TRIM2: variants seen among roughly 807,000 people sequenced by gnomAD.
TRIM2 encodes tripartite motif-containing protein 2.
In TRIM2, 20 loss-of-function variants were observed where a neutral mutation model predicts 75.2. The observed-to-expected ratio is 0.27, with a 90% CI of 0.19 to 0.39. The LOEUF is 0.39. TRIM2 is among the 10% of genes least tolerant of loss of function. The pLI, the probability that TRIM2 is intolerant of heterozygous loss-of-function variation, is 1.00. For missense variants in TRIM2, 660 were observed against 990.8 expected (o/e 0.67, Z 4.48); for synonymous variants, 373 against 388.3 (o/e 0.96, Z 0.46).
chr4:153,250,539 T>C (rs1226529932), intron 1 of TRIM2, among the ~76,000 whole-genome samples: 1 of 152,228 alleles, frequency 6.6e-6, no homozygotes. Context: ...TCCATAAGAA[T>C]AAATGATACC....
At chr4:153,167,316 A>T (rs1730417499) in intron 1 of TRIM2, among the ~76,000 whole-genome samples, 1 of 152,270 alleles carries the variant, frequency 6.6e-6, no homozygotes. Context: ...CTTGCCGCGA[A>T]GATGGTATGG....
chr4:153,249,035 G>C (rs1289426244), intron 1 of TRIM2, among the ~76,000 whole-genome samples: 2 of 152,248 alleles, frequency 1.3e-5, no homozygotes, highest in South Asian at 4.1e-4. Flanking sequence ...GTTGCTGGAG[G>C]GCCAGGCGGG....
intron 7 of TRIM2, 90 bp downstream of exon 7, chr4:153,315,678 G>A: frequency 7.0e-7 from 1 of 1,433,632 alleles, no homozygotes; most frequent in Non-Finnish European, 9.6e-7. Flanking sequence ...TCAGATACAT[G>A]GTGTAAGGAA....
At chr4:153,156,405 G>GGCT (rs1197271669) in intron 1 of TRIM2, among the ~76,000 whole-genome samples, 1 of 152,138 alleles carries the variant, frequency 6.6e-6, no homozygotes, top group Non-Finnish European at 1.5e-5. Context: ...AAATTAAGGA[G>GGCT]GCTGCCCCCT....
intron 6 of TRIM2, among the ~76,000 whole-genome samples, chr4:153,311,930 T>TATA (rs1766443615): frequency 1.1e-5 from 1 of 93,454 alleles, no homozygotes; most frequent in Non-Finnish European, 2.5e-5. Flanking sequence ...TTATTATTAT[T>TATA]ATACTTTAAG....
At chr4:153,255,706 C>T (rs1751924677) in intron 1 of TRIM2, among the ~76,000 whole-genome samples, 1 of 152,184 alleles carries the variant, frequency 6.6e-6, no homozygotes, top group Non-Finnish European at 1.5e-5. Flanking sequence ...ACCCAGTGTC[C>T]ATCGACTGAT....
intron 1 of TRIM2, among the ~76,000 whole-genome samples, chr4:153,156,018 G>T (rs956272713): frequency 6.6e-6 from 1 of 152,178 alleles, no homozygotes; most frequent in African/African-American, 2.4e-5. Context: ...GGAATTTTTG[G>T]TTTTTACATT....
chr4:153,304,351 T>C (rs540163436), intron 6 of TRIM2, among the ~76,000 whole-genome samples: 27 of 152,064 alleles, frequency 1.8e-4, no homozygotes, highest in Non-Finnish European at 3.5e-4. Flanking sequence ...TGGCCTCAAG[T>C]GATCTGCCCG....
intron 6 of TRIM2, among the ~76,000 whole-genome samples, chr4:153,306,104 G>A (rs991910100): frequency 3.3e-5 from 5 of 151,490 alleles, no homozygotes; most frequent in Middle Eastern, 3.4e-3. Flanking sequence ...ATTCCAGCCT[G>A]GATGACAGAG....
chr4:153,234,364 G>C (rs953530806), intron 1 of TRIM2, among the ~76,000 whole-genome samples: 1 of 152,174 alleles, frequency 6.6e-6, no homozygotes, highest in African/African-American at 2.4e-5. Context: ...CTTCATGAGC[G>C]GGTTGTGAAT....
intron 10 of TRIM2, among the ~76,000 whole-genome samples, chr4:153,325,747 A>C (rs1770030457): frequency 6.6e-6 from 1 of 152,220 alleles, no homozygotes; most frequent in South Asian, 2.1e-4. Context: ...GCTGAAAGAC[A>C]GTCATAATTA....
chr4:153,317,123 G>A (rs1195016170), intron 8 of TRIM2, among the ~76,000 whole-genome samples: 7 of 149,370 alleles, frequency 4.7e-5, no homozygotes, highest in Non-Finnish European at 8.9e-5. Flanking sequence ...CTCATGATCC[G>A]CCCGCCTCGG....
chr4:153,160,942 G>A (rs765072990), intron 1 of TRIM2, among the ~76,000 whole-genome samples: 14 of 152,028 alleles, frequency 9.2e-5, no homozygotes, highest in Non-Finnish European at 2.1e-4. Context: ...GGGGAGGGTT[G>A]GGAGCTAGCT....
intron 1 of TRIM2, among the ~76,000 whole-genome samples, chr4:153,208,981 G>A (rs1343941818): frequency 6.6e-6 from 1 of 152,202 alleles, no homozygotes; most frequent in Non-Finnish European, 1.5e-5. Flanking sequence ...AGAAGATCCA[G>A]CATCAATTCC....
chr4:153,199,808 C>T (rs1013506266), upstream of TRIM2, among the ~76,000 whole-genome samples: 2 of 152,004 alleles, frequency 1.3e-5, no homozygotes, highest in Middle Eastern at 3.2e-3. Context: ...GGGTCTTGCT[C>T]TGTTGCCCAG....
intron 1 of TRIM2, among the ~76,000 whole-genome samples, chr4:153,190,046 T>C (rs1276559412): frequency 6.6e-6 from 1 of 152,236 alleles, no homozygotes; most frequent in Admixed American, 6.5e-5. Context: ...GGGCATATAA[T>C]AGAACCCTGT....
intron 1 of TRIM2, among the ~76,000 whole-genome samples, chr4:153,254,727 A>G (rs1236315998): frequency 3.3e-5 from 5 of 152,242 alleles, no homozygotes; most frequent in African/African-American, 1.2e-4. Context: ...ATTTTCCTAT[A>G]ATAAGCAATA....
rs1579721568 is a variant in TRIM2 at position 153,322,788 on chromosome 4, C to T, written c.1923C>T (p.Ser641=). 1.2e-6 allele frequency: 2 copies of T among 1,614,032 alleles called. No homozygotes were observed. The highest frequency in any genetic ancestry group is 1.7e-6 in the Non-Finnish European group (2 of 1,180,040). The change falls in exon 9 of 12, where the codon AGC becomes AGT. Residue 641 remains serine, a synonymous_variant. Coordinates refer to ENST00000338700, the MANE Select transcript of TRIM2 (RefSeq NM_015271.5). ...GGAAAATAGTCACCAGGTTTGGTAGCCGAGGAAATGGGGACAGGCAGTTTG... is the reference window on the plus strand; with the variant it reads ...GGAAAATAGTCACCAGGTTTGGTAGTCGAGGAAATGGGGACAGGCAGTTTG... ...PNGKIVTRFG[S]RGNGDRQFAG...
intron 1 of TRIM2, among the ~76,000 whole-genome samples, chr4:153,217,588 A>T (rs1467830486): frequency 6.6e-6 from 1 of 152,220 alleles, no homozygotes; most frequent in Non-Finnish European, 1.5e-5. Flanking sequence ...ATGCTTGACA[A>T]TCTGAACATA....
Sources: gnomAD v4.1 joint callset for allele counts (sites outside exome capture counted in the v4.1 genomes callset) on GRCh38, gnomAD v4.1.1 for gene constraint, MANE v1.5 for transcripts, NCBI Gene and HGNC (gene_info 2026-07-23, HGNC 2026-07-21) for gene names.